Variants in PRKCB observed in about 807,000 individuals in gnomAD.
PRKCB encodes the protein protein kinase C beta type.
PRKCB carries 13 observed loss-of-function variants against 81.5 expected under a neutral mutation model. The observed-to-expected ratio is 0.16, with a 90% CI of 0.10 to 0.25. The LOEUF is 0.25. PRKCB is among the 10% of genes least tolerant of loss of function. The probability of loss-of-function intolerance (pLI) is 1.00; values close to 1 mark genes in which losing one functional copy is unlikely to be tolerated. For synonymous variants in PRKCB, 335 were observed against 321.4 expected, an observed-to-expected ratio of 1.04 and a Z score of -0.45; for missense variants, 509 against 875.7, an observed-to-expected ratio of 0.58 and a Z score of 5.29.
chr16:24,073,635 G>T (rs769245999), intron 5 of PRKCB, among the ~76,000 whole-genome samples: 1 of 152,070 alleles, frequency 6.6e-6, no homozygotes, highest in South Asian at 2.1e-4. Context: ...GCGCCTGGCC[G>T]GTTTTTTAAA....
At chr16:24,049,047 G>GTTTTTTTTTTTTTTTTTTT in intron 5 of PRKCB, among the ~76,000 whole-genome samples, 1 of 49,656 alleles carries the variant, frequency 2.0e-5, no homozygotes, top group Non-Finnish European at 3.5e-5. Context: ...AAATTGGCCT[G>GTTTTTTTTTTTTTTTTTTT]TTTTTTTTTT....
chr16:24,214,976 G>C lies in PRKCB; in HGVS notation c.*160G>C. The C allele has an allele frequency of 6.9e-7, 1 of 1,455,136 alleles. No individual in the cohort carries two copies. The allele number at this position is 1,455,136 out of a possible 1,614,324, so 90.1% of individuals were successfully genotyped here. ...GAACCCAAATGTCCTCAGGTAGTTTGGAGCATCTCTATGAGATGGGATTAT... is the reference window on the plus strand; with the variant it reads ...GAACCCAAATGTCCTCAGGTAGTTTCGAGCATCTCTATGAGATGGGATTAT... On this transcript the variant is annotated 3_prime_UTR_variant, in exon 17 of 17. Coordinates refer to ENST00000643927, the MANE Select transcript of PRKCB (RefSeq NM_002738.7).
At chr16:24,073,986 C>T (rs927403991) in intron 5 of PRKCB, among the ~76,000 whole-genome samples, 2 of 152,000 alleles carry the variant, frequency 1.3e-5, no homozygotes, top group African/African-American at 2.4e-5. Context: ...AAAATATTAG[C>T]CGGGCGTGGT....
chr16:24,219,864 G>C lies in PRKCB; in HGVS notation c.*5048G>C. 6.7e-7 allele frequency: 1 copy of C among 1,491,030 alleles called. No individual in the cohort carries two copies. The highest frequency in any genetic ancestry group is 8.9e-7 in the Non-Finnish European group (1 of 1,117,470). The allele number at this position is 1,491,030 out of a possible 1,614,324, so 92.4% of individuals were successfully genotyped here. A position where few individuals can be genotyped will look rare whatever the true frequency, so the allele number is the denominator to read the frequency against. On this transcript the variant is annotated 3_prime_UTR_variant, in exon 17 of 17. Coordinates refer to ENST00000643927, the MANE Select transcript of PRKCB (RefSeq NM_002738.7). The stretch of plus-strand genomic sequence containing the variant: ...TCAGCACAGGGCTCTTTCTGACTCT[G>C]CTCATGAGATGGTATCAGCCACCCA...
At chr16:23,850,910 G>A (rs552899667) in intron 2 of PRKCB, among the ~76,000 whole-genome samples, 1 of 152,102 alleles carries the variant, frequency 6.6e-6, no homozygotes, top group African/African-American at 2.4e-5. Context: ...TTGGCCATTT[G>A]TGTGTCTTCT....
intron 7 of PRKCB, among the ~76,000 whole-genome samples, chr16:24,112,579 C>T (rs947116740): frequency 2.6e-5 from 4 of 151,608 alleles, no homozygotes; most frequent in East Asian, 1.9e-4. Context: ...AAGAAATTTA[C>T]GATGAGGGAT....
intron 2 of PRKCB, among the ~76,000 whole-genome samples, chr16:23,866,556 C>T (rs1265326320): frequency 6.6e-6 from 1 of 152,194 alleles, no homozygotes; most frequent in East Asian, 1.9e-4. Flanking sequence ...TCTGAACTTT[C>T]TCCCATGCAT....
intron 7 of PRKCB, chr16:24,111,206 G>A (rs1966671878): frequency 6.6e-6 from 1 of 152,200 alleles, no homozygotes. Context: ...AATATTAAAT[G>A]TGGAGGCGTA....
Position 23,836,109 on chromosome 16 carries a change from G to C in PRKCB, c.-67G>C, listed in dbSNP as rs1597200933. On this transcript the variant is annotated 5_prime_UTR_variant, in exon 1 of 17. Transcript: ENST00000643927. The stretch of plus-strand genomic sequence containing the variant: ...GGCCGCCGCCTCCCGCGCCTCCCCG[G>C]CCCGCAGCCCGCGGTCCCGCGGCCC... 1 of 1,100,048 alleles carries C rather than the reference G, an allele frequency of 9.1e-7. No homozygotes were observed. Among genetic ancestry groups the C allele is most frequent in the Non-Finnish European group, 1.1e-6 (1 of 896,570 alleles). The allele number at this position is 1,100,048 out of a possible 1,614,324, so 68.1% of individuals were successfully genotyped here. A position where few individuals can be genotyped will look rare whatever the true frequency, so the allele number is the denominator to read the frequency against.
intron 3 of PRKCB, among the ~76,000 whole-genome samples, chr16:24,017,892 ATTTTT>A (rs35809970): frequency 3.5e-5 from 4 of 113,264 alleles, no homozygotes; most frequent in African/African-American, 1.0e-4. Flanking sequence ...ACCATAACTA[ATTTTT>A]TTTTTTTTTT....
intron 10 of PRKCB, among the ~76,000 whole-genome samples, chr16:24,165,436 G>A (rs774411703): frequency 1.3e-5 from 2 of 152,148 alleles, no homozygotes; most frequent in Non-Finnish European, 2.9e-5. Context: ...CTTATTCATC[G>A]TTTTCATCCT....
chr16:24,151,051 A>G (rs1967073780), intron 9 of PRKCB, among the ~76,000 whole-genome samples: 1 of 152,224 alleles, frequency 6.6e-6, no homozygotes, highest in Non-Finnish European at 1.5e-5. Context: ...GAAGATTTCA[A>G]CTGCTACTTG....
At chr16:24,072,908 T>C (rs1966129769) in intron 5 of PRKCB, among the ~76,000 whole-genome samples, 1 of 152,120 alleles carries the variant, frequency 6.6e-6, no homozygotes, top group Non-Finnish European at 1.5e-5. Flanking sequence ...TTAAGGCTGT[T>C]TAAAAATGAA....
chr16:23,900,766 G>A (rs973392481), intron 2 of PRKCB, among the ~76,000 whole-genome samples: 3 of 103,304 alleles, frequency 2.9e-5, no homozygotes, highest in South Asian at 3.2e-4. Flanking sequence ...TGTCCCATAC[G>A]GTCTTCTGTT....
intron 2 of PRKCB, among the ~76,000 whole-genome samples, chr16:23,891,021 G>GTA (rs55920579): frequency 1.3e-5 from 2 of 148,218 alleles, no homozygotes; most frequent in Admixed American, 6.8e-5. Context: ...GTGTGTGTGT[G>GTA]TATATATATA....
At chr16:24,185,622 T>C (rs1196672618) in intron 15 of PRKCB, 55 bp downstream of exon 15, 1 of 1,457,406 alleles carries the variant, frequency 6.9e-7, no homozygotes, top group Non-Finnish European at 9.6e-7. Flanking sequence ...GCATGTGGGC[T>C]GTACCTTGCC....
chr16:23,964,320 C>T (rs1596489596), intron 2 of PRKCB, among the ~76,000 whole-genome samples: 2 of 152,302 alleles, frequency 1.3e-5, no homozygotes, highest in East Asian at 3.9e-4. Context: ...AATTCATACA[C>T]ACAGAATTTT....
intron 7 of PRKCB, among the ~76,000 whole-genome samples, chr16:24,105,120 G>T (rs968470993): frequency 2.0e-5 from 3 of 151,208 alleles, no homozygotes; most frequent in Admixed American, 2.0e-4. Context: ...GCAGTGGCAC[G>T]ATCTCAGCTC....
At chr16:24,004,610 G>T (rs1180043504) in intron 3 of PRKCB, among the ~76,000 whole-genome samples, 1 of 151,972 alleles carries the variant, frequency 6.6e-6, no homozygotes. Flanking sequence ...AGCTGTGATT[G>T]CACCACTGCA....
Sources: gnomAD v4.1 joint callset for allele counts (sites outside exome capture counted in the v4.1 genomes callset) on GRCh38, gnomAD v4.1.1 for gene constraint, MANE v1.5 for transcripts, NCBI Gene and HGNC (gene_info 2026-07-23, HGNC 2026-07-21) for gene names.